RORB: variants seen among roughly 807,000 people sequenced by gnomAD.
The protein encoded by RORB is nuclear receptor ROR-beta.
In RORB, 6 loss-of-function variants were observed where a neutral mutation model predicts 59.1. The observed-to-expected ratio is 0.10, with a 90% CI of 0.06 to 0.20. The LOEUF (loss-of-function observed/expected upper bound fraction) is 0.20. Ranked by LOEUF, RORB falls within the 10% of genes least tolerant of loss-of-function variation. The pLI is 1.00. For missense variants in RORB, 320 were observed against 560.5 expected (o/e 0.57, Z 4.33); for synonymous variants, 215 against 204.5 (o/e 1.05, Z -0.44).
At chr9:74,640,846 G>A (rs1823791539) in intron 3 of RORB, among the ~76,000 whole-genome samples, 1 of 152,150 alleles carries the variant, frequency 6.6e-6, no homozygotes, top group Non-Finnish European at 1.5e-5. Context: ...TGTACCCAAT[G>A]GGAAAAGAAA....
rs1348878689 is a variant in RORB, at chr9:74,666,573, T to TA, written c.1000+979dup. ...GAAATCAGCTTTTTTTTTTCAACTT[T>TA]ATTGCATATTGCATAGACCCCTGGT... On this transcript the variant is annotated intron_variant, in intron 7 of 9. Coordinates refer to ENST00000376896, the MANE Select transcript of RORB (RefSeq NM_006914.4). 5.9e-5 allele frequency among the ~76,000 whole-genome samples: 9 copies of TA among 152,270 alleles called. No homozygotes were observed. The East Asian group carries it at 1.7e-3, about 29-fold the overall frequency.
chr9:74,557,438 C>T (rs1039221295), intron 1 of RORB, among the ~76,000 whole-genome samples: 1 of 152,054 alleles, frequency 6.6e-6, no homozygotes, highest in Non-Finnish European at 1.5e-5. Flanking sequence ...ACAATCTGAA[C>T]CTTAATGGTA....
At chr9:74,575,781 T>C (rs1332133875) in intron 1 of RORB, among the ~76,000 whole-genome samples, 1 of 151,998 alleles carries the variant, frequency 6.6e-6, no homozygotes, top group African/African-American at 2.4e-5. Flanking sequence ...TAAAAAGCAG[T>C]CTCCTTATAC....
chr9:74,604,762 T>C (rs2118334808), intron 1 of RORB, among the ~76,000 whole-genome samples: 1 of 152,318 alleles, frequency 6.6e-6, no homozygotes, highest in South Asian at 2.1e-4. Flanking sequence ...GATATGACAT[T>C]TATCACTGAA....
rs1353206971 is a variant in RORB at position 74,687,131 on chromosome 9, G to A, written c.*1513G>A. On this transcript the variant is annotated 3_prime_UTR_variant, in exon 10 of 10. Coordinates refer to ENST00000376896, the MANE Select transcript of RORB (RefSeq NM_006914.4). ...ATATTCCAAGAAATTTGTTCTGCCT[G>A]TGTCCTGGAGGCCTATACCTCTGTT... 1 of 151,994 alleles carries A rather than the reference G, an allele frequency of 6.6e-6. No homozygotes were observed. The highest frequency in any genetic ancestry group is 1.9e-4 in the East Asian group (1 of 5,180). The allele number at this position is 151,994 out of a possible 1,614,324, so 9.4% of individuals were successfully genotyped here.
intron 1 of RORB, among the ~76,000 whole-genome samples, chr9:74,573,090 AG>A (rs1441571641): frequency 6.6e-6 from 1 of 152,182 alleles, no homozygotes; most frequent in African/African-American, 2.4e-5. Context: ...AAGTAACAAA[AG>A]TTTCACACAT....
chr9:74,552,816 T>TAAA, intron 1 of RORB, among the ~76,000 whole-genome samples: 1 of 151,456 alleles, frequency 6.6e-6, no homozygotes, highest in East Asian at 1.9e-4. Context: ...AGACACAAAA[T>TAAA]AATAATAATA....
chr9:74,597,827 A>G (rs553917914), intron 1 of RORB, among the ~76,000 whole-genome samples: 1 of 152,104 alleles, frequency 6.6e-6, no homozygotes, highest in Admixed American at 6.6e-5. Flanking sequence ...GCATGGGGGC[A>G]GGCGCCTGTA....
intron 1 of RORB, among the ~76,000 whole-genome samples, chr9:74,610,295 G>T (rs554175379): frequency 2.0e-5 from 3 of 152,204 alleles, no homozygotes; most frequent in South Asian, 4.1e-4. Context: ...TTTTTAAAAA[G>T]CTCCCCAAGT....
intron 1 of RORB, among the ~76,000 whole-genome samples, chr9:74,593,265 G>A (rs949475421): frequency 2.0e-5 from 3 of 151,912 alleles, no homozygotes; most frequent in South Asian, 2.1e-4. Flanking sequence ...TCAGGAGTTC[G>A]AGACCATCCT....
At chr9:74,650,914 G>T (rs1173435163) in intron 4 of RORB, among the ~76,000 whole-genome samples, 2 of 152,154 alleles carry the variant, frequency 1.3e-5, no homozygotes, top group African/African-American at 4.8e-5. Flanking sequence ...ATCCAAAAGG[G>T]TGGTGAGGTG....
chr9:74,655,917 T>A (rs1255572357), intron 4 of RORB, among the ~76,000 whole-genome samples: 1 of 152,172 alleles, frequency 6.6e-6, no homozygotes, highest in African/African-American at 2.4e-5. Context: ...GAGAAAGTGG[T>A]GGAGGAATGT....
At chr9:74,630,431 G>T in intron 2 of RORB, 64 bp downstream of exon 2, 1 of 1,236,294 alleles carries the variant, frequency 8.1e-7, no homozygotes. Flanking sequence ...CTCACAAGAT[G>T]CGGTGACACG....
At chr9:74,549,406 C>T (rs7862283) in intron 1 of RORB, among the ~76,000 whole-genome samples, 78,973 of 138,114 alleles carry the variant, frequency 0.57, 23,781 homozygotes, top group African/African-American at 0.71. Context: ...GTCGCATCAC[C>T]GCACTCCAGC....
intron 1 of RORB, among the ~76,000 whole-genome samples, chr9:74,518,768 A>C (rs1320208425): frequency 6.6e-6 from 1 of 151,954 alleles, no homozygotes; most frequent in African/African-American, 2.4e-5. Flanking sequence ...CCAAAATCAA[A>C]CAGATATAAG....
chr9:74,660,117 T>G (rs1824156553), intron 4 of RORB, among the ~76,000 whole-genome samples: 1 of 152,172 alleles, frequency 6.6e-6, no homozygotes, highest in Non-Finnish European at 1.5e-5. Context: ...CTCTGCATTC[T>G]GTTCCCTATT....
rs148939126 is a variant in RORB at position 74,564,278 on chromosome 9, A to G, written c.8-66004A>G. Among the ~76,000 whole-genome samples the G allele has an allele frequency of 2.2e-3, 330 of 152,296 alleles. 3 individuals carry two copies. The highest frequency in any genetic ancestry group is 2.0e-3 in the Non-Finnish European group (138 of 68,024). On this transcript the variant is annotated intron_variant, in intron 1 of 9. Transcript: ENST00000376896. The stretch of plus-strand genomic sequence containing the variant: ...GCAAAGATCATTATCATTGCTATAT[A>G]ATAGGCATAGAACTATGAAGTTAAT...
chr9:74,659,184 G>A (rs998955247), intron 4 of RORB, among the ~76,000 whole-genome samples: 9 of 152,056 alleles, frequency 5.9e-5, no homozygotes, highest in Admixed American at 5.9e-4. Context: ...TTTTTGTTTA[G>A]AAAATTTATT....
intron 4 of RORB, among the ~76,000 whole-genome samples, chr9:74,643,439 A>C (rs1056252842): frequency 1.3e-5 from 2 of 152,236 alleles, no homozygotes; most frequent in East Asian, 3.8e-4. Flanking sequence ...GCATGATTGC[A>C]TCAGAAAGCT....
Sources: gnomAD v4.1 joint callset for allele counts (sites outside exome capture counted in the v4.1 genomes callset) on GRCh38, gnomAD v4.1.1 for gene constraint, MANE v1.5 for transcripts, NCBI Gene and HGNC (gene_info 2026-07-23, HGNC 2026-07-21) for gene names.